Variants in ZNF91 observed in about 807,000 individuals in gnomAD.
ZNF91 encodes zinc finger protein 91 (HPF7, HTF10).
ZNF91 carries 7 observed loss-of-function variants against 12.6 expected under a neutral mutation model. The observed-to-expected ratio is 0.55, with a 90% CI of 0.31 to 1.04. ZNF91 has a LOEUF of 1.04. ZNF91 is among the 50% of genes least tolerant of loss of function. The pLI is 0.05. For missense variants in ZNF91, 1,217 were observed against 1,385.4 expected (o/e 0.88, Z 1.93); for synonymous variants, 453 against 462.6 (o/e 0.98, Z 0.27).
chr19:23,367,498 C>CACA (rs537238245), intron 3 of ZNF91, among the ~76,000 whole-genome samples: 121 of 152,130 alleles, frequency 8.0e-4, no homozygotes, highest in Non-Finnish European at 1.5e-3. Context: ...AACAGTGGTA[C>CACA]ACAAATTCAA....
At chr19:23,326,569 C>T (rs12327641) in intron 1 of ZNF91, 47,222 of 152,016 alleles carry the variant, frequency 0.31, 8,144 homozygotes, top group Non-Finnish European at 0.39. Context: ...TCAGGTGAGC[C>T]GCCTGCCTTG....
intron 3 of ZNF91, among the ~76,000 whole-genome samples, chr19:23,343,670 G>A (rs111617244): frequency 1.4e-4 from 21 of 152,016 alleles, no homozygotes; most frequent in African/African-American, 5.1e-4. Context: ...CAGACAGGTA[G>A]ACAGGAGGGG....
chr19:23,339,499 T>A (rs1568373138), intron 3 of ZNF91: 1 of 151,820 alleles, frequency 6.6e-6, no homozygotes, highest in African/African-American at 2.4e-5. Flanking sequence ...CAACAAAGTA[T>A]CCCCCCAAAT....
intron 1 of ZNF91, among the ~76,000 whole-genome samples, chr19:23,394,065 A>G (rs1228517234): frequency 6.6e-6 from 1 of 152,186 alleles, no homozygotes; most frequent in Non-Finnish European, 1.5e-5. Flanking sequence ...TAGTTGATAA[A>G]GTGAATTAGG....
At chr19:23,323,878 CTAT>C (rs375357441) in intron 1 of ZNF91, 13,309 of 144,896 alleles carry the variant, frequency 0.092, 819 homozygotes, top group East Asian at 0.21. Flanking sequence ...TCTTCGTTTC[CTAT>C]TTTTTCTCCT....
intron 1 of ZNF91, among the ~76,000 whole-genome samples, chr19:23,391,517 A>G (rs1970064468): frequency 6.6e-6 from 1 of 152,142 alleles, no homozygotes; most frequent in African/African-American, 2.4e-5. Flanking sequence ...TGTCTGCCTC[A>G]TCTTTGCAAT....
chr19:23,364,593 T>G (rs923217490), intron 3 of ZNF91, among the ~76,000 whole-genome samples: 1 of 150,720 alleles, frequency 6.6e-6, no homozygotes, highest in Non-Finnish European at 1.5e-5. Context: ...GTTTTTTTTT[T>G]GACAAGTAAA....
intron 3 of ZNF91, chr19:23,342,140 C>T: frequency 2.3e-6 from 1 of 441,052 alleles, no homozygotes; most frequent in South Asian, 4.8e-5. Flanking sequence ...TCCCTCGTCT[C>T]TGTTATCTGC....
intron 1 of ZNF91, among the ~76,000 whole-genome samples, chr19:23,316,193 C>G (rs1359115268): frequency 1.3e-5 from 2 of 150,584 alleles, no homozygotes; most frequent in African/African-American, 4.9e-5. Flanking sequence ...GCCTGGTCCC[C>G]ACATGTTTTG....
In ZNF91 at chr19:23,323,552, TTCC is replaced by T. The variant is rs1346469842; in HGVS notation, n.117-14458_117-14456del. 4.0e-5 allele frequency among the ~76,000 whole-genome samples: 6 copies of T among 148,854 alleles called. No homozygotes were observed. The East Asian group carries it at 6.4e-4, about 16-fold the overall frequency. ...TCCTCCTTTTCCTTTTTCTCTCCTC[TTCC>T]TTTTTCCTTTTCCTCTTCTCTTCCT... On this transcript the variant is annotated intron_variant and non_coding_transcript_variant, in intron 1 of 1. Coordinates refer to the ZNF91 transcript ENST00000596528.
rs761635653 is a variant in ZNF91, at chr19:23,362,380, TG to T, written c.598del (p.His200IlefsTer59). 6.2e-7 allele frequency: 1 copy of T among 1,613,876 alleles called. No homozygotes were observed. Among genetic ancestry groups the T allele is most frequent in the Non-Finnish European group, 8.5e-7 (1 of 1,179,952 alleles). Reference protein sequence around the residue: ...SFCIRLHKTQHKCVYITEKSC... With the variant: ...SFCIRLHKTQXKCVYITEKSC... ...CTTCTCTGTAATATAAACGCATTTATGTTGGGTTTTGTGTAAACGGATGCAA... is the reference window on the plus strand; with the variant it reads ...CTTCTCTGTAATATAAACGCATTTATTTGGGTTTTGTGTAAACGGATGCAA... On this transcript the variant is annotated frameshift_variant, in exon 4 of 4. Transcript: ENST00000300619. LOFTEE classifies it low-confidence loss of function (END_TRUNC).
At chr19:23,349,751 C>T (rs915559627) in intron 3 of ZNF91, among the ~76,000 whole-genome samples, 1 of 152,150 alleles carries the variant, frequency 6.6e-6, no homozygotes, top group African/African-American at 2.4e-5. Flanking sequence ...TAGGGTCAAG[C>T]TCACCCCCAA....
At chr19:23,340,334 A>G (rs969550810) in intron 3 of ZNF91, among the ~76,000 whole-genome samples, 7 of 152,214 alleles carry the variant, frequency 4.6e-5, no homozygotes, top group African/African-American at 1.4e-4. Context: ...CAAATCAGAT[A>G]TAAAAGAACA....
intron 1 of ZNF91, among the ~76,000 whole-genome samples, chr19:23,318,554 A>G (rs1180816244): frequency 6.6e-6 from 1 of 152,108 alleles, no homozygotes; most frequent in Non-Finnish European, 1.5e-5. Context: ...AGATGATGTG[A>G]GTCTCTTGCC....
chr19:23,381,611 C>T (rs1969719023), intron 1 of ZNF91, among the ~76,000 whole-genome samples: 1 of 152,010 alleles, frequency 6.6e-6, no homozygotes, highest in Non-Finnish European at 1.5e-5. Flanking sequence ...CAGGCGTGCG[C>T]CACCATGCTC....
intron 1 of ZNF91, among the ~76,000 whole-genome samples, chr19:23,331,980 C>A (rs1000323704): frequency 2.6e-5 from 4 of 152,178 alleles, no homozygotes; most frequent in Admixed American, 1.3e-4. Context: ...CCAGTCCTAA[C>A]CAGAAACTAT....
At chr19:23,387,306 A>C (rs1017526416) in intron 1 of ZNF91, among the ~76,000 whole-genome samples, 3 of 152,236 alleles carry the variant, frequency 2.0e-5, no homozygotes, top group Non-Finnish European at 4.4e-5. Flanking sequence ...TACCCAAAGA[A>C]ATACAAATTA....
At chr19:23,337,342 G>C (rs1599698480), downstream of ZNF91, among the ~76,000 whole-genome samples, 1 of 116,820 alleles carries the variant, frequency 8.6e-6, no homozygotes, top group East Asian at 6.1e-4. Flanking sequence ...ATATATGTGT[G>C]TGTGTATGTG....
intron 3 of ZNF91, among the ~76,000 whole-genome samples, chr19:23,348,941 T>A (rs1430044055): frequency 6.6e-6 from 1 of 152,164 alleles, no homozygotes; most frequent in Non-Finnish European, 1.5e-5. Context: ...GTCTGTCTTA[T>A]GCGGTTGAGA....
Sources: allele counts gnomAD v4.1 joint callset (sites outside exome capture counted in the v4.1 genomes callset), GRCh38; gene constraint gnomAD v4.1.1; transcripts MANE v1.5; gene names NCBI Gene and HGNC (gene_info 2026-07-23, HGNC 2026-07-21).